EEIG2: variants seen among roughly 807,000 people sequenced by gnomAD.
The protein encoded by EEIG2 is EEIG family member 2.
At chr1:108,574,942 C>T in the EEIG2 span, among the ~76,000 whole-genome samples, 1 of 152,170 alleles carries the variant, frequency 6.6e-6, no homozygotes, top group Admixed American at 6.5e-5. Context: ...AGGAACATTT[C>T]ATTATGAATT....
At chr1:108,589,489 A>AT in the EEIG2 span, among the ~76,000 whole-genome samples, 2 of 151,902 alleles carry the variant, frequency 1.3e-5, no homozygotes, top group South Asian at 2.1e-4. Flanking sequence ...TCATTGCTAA[A>AT]TTTTTTTTAG....
chr1:108,572,033 A>T, the EEIG2 span, among the ~76,000 whole-genome samples: 2 of 152,108 alleles, frequency 1.3e-5, no homozygotes, highest in Non-Finnish European at 2.9e-5. Context: ...TCAATCCTGC[A>T]CTCTGACTGC....
the EEIG2 span, among the ~76,000 whole-genome samples, chr1:108,604,468 G>A: frequency 2.0e-5 from 3 of 152,164 alleles, no homozygotes; most frequent in Admixed American, 1.3e-4. Context: ...TTACTATGGA[G>A]TGGGGGATAT....
At chr1:108,637,238 T>C in the EEIG2 span, 1 of 152,172 alleles carries the variant, frequency 6.6e-6, no homozygotes, top group East Asian at 1.9e-4. Context: ...TATGTAGTAG[T>C]AAATATAACA....
At chr1:108,567,376 A>G in the EEIG2 span, among the ~76,000 whole-genome samples, 1,192 of 152,254 alleles carry the variant, frequency 7.8e-3, 15 homozygotes, top group African/African-American at 0.028. Context: ...TGCCCTTGCC[A>G]TTATTGCTGC....
the EEIG2 span, among the ~76,000 whole-genome samples, chr1:108,564,744 A>T: frequency 2.6e-5 from 4 of 152,124 alleles, no homozygotes; most frequent in Non-Finnish European, 5.9e-5. Flanking sequence ...GGAGTTTGAG[A>T]CCAGCCTGGG....
chr1:108,576,386 G>A, the EEIG2 span, among the ~76,000 whole-genome samples: 3 of 147,548 alleles, frequency 2.0e-5, no homozygotes, highest in Admixed American at 6.7e-5. Flanking sequence ...ATGCTGGTGC[G>A]CTGCACCCAC....
chr1:108,636,159 C>CTG, the EEIG2 span: 1 of 152,210 alleles, frequency 6.6e-6, no homozygotes, highest in South Asian at 2.1e-4. Context: ...TTCTTCCCCA[C>CTG]TGTGTCGAAA....
the EEIG2 span, among the ~76,000 whole-genome samples, chr1:108,604,866 A>C: frequency 1.1e-5 from 1 of 93,216 alleles, no homozygotes; most frequent in East Asian, 3.1e-4. Flanking sequence ...CCACCTCTCC[A>C]AAAAAAAAAA....
chr1:108,564,854 G>A, the EEIG2 span, among the ~76,000 whole-genome samples: 20 of 152,054 alleles, frequency 1.3e-4, no homozygotes, highest in African/African-American at 4.6e-4. Context: ...GGCTGAGGTA[G>A]GAGGATCGCT....
chr1:108,624,040 G>A, the EEIG2 span, among the ~76,000 whole-genome samples: 5 of 151,946 alleles, frequency 3.3e-5, no homozygotes, highest in East Asian at 7.7e-4. Flanking sequence ...CAGCTTTTAC[G>A]TGGAATAGGA....
chr1:108,593,130 C>T, the EEIG2 span, among the ~76,000 whole-genome samples: 1 of 152,070 alleles, frequency 6.6e-6, no homozygotes, highest in African/African-American at 2.4e-5. Context: ...TGCACTCAGC[C>T]TGCATGACAG....
At chr1:108,561,433 G>A in the EEIG2 span, among the ~76,000 whole-genome samples, 5 of 152,106 alleles carry the variant, frequency 3.3e-5, no homozygotes, top group Non-Finnish European at 7.4e-5. Context: ...GATCAAGAAG[G>A]GTTAAAAGTT....
chr1:108,600,543 G>T, the EEIG2 span: 3 of 1,606,876 alleles, frequency 1.9e-6, no homozygotes, highest in African/African-American at 1.3e-5. Flanking sequence ...TTAATTAATT[G>T]GCTCTTTTTT....
chr1:108,618,625 G>A, the EEIG2 span, among the ~76,000 whole-genome samples: 1 of 152,060 alleles, frequency 6.6e-6, no homozygotes, highest in Non-Finnish European at 1.5e-5. Context: ...GGGCTCGGTG[G>A]CTCACGCCTG....
At chr1:108,561,241 A>G in the EEIG2 span, among the ~76,000 whole-genome samples, 2 of 152,370 alleles carry the variant, frequency 1.3e-5, no homozygotes, top group South Asian at 4.1e-4. Context: ...AGAGAGAGGC[A>G]TTAGCAGGTT....
chr1:108,579,693 T>C, the EEIG2 span, among the ~76,000 whole-genome samples: 4 of 151,380 alleles, frequency 2.6e-5, no homozygotes, highest in African/African-American at 7.3e-5. Context: ...TTGTGGCACC[T>C]CTACACCAAG....
At chr1:108,618,020 A>G in the EEIG2 span, among the ~76,000 whole-genome samples, 1 of 152,194 alleles carries the variant, frequency 6.6e-6, no homozygotes, top group African/African-American at 2.4e-5. Context: ...AGTATAAACA[A>G]TTCTTATGAG....
chr1:108,609,243 C>T, the EEIG2 span, among the ~76,000 whole-genome samples: 1 of 152,160 alleles, frequency 6.6e-6, no homozygotes, highest in African/African-American at 2.4e-5. Context: ...GTTCTTGGTA[C>T]TATTCTAAGT....
Sources: gnomAD v4.1 joint callset for allele counts (sites outside exome capture counted in the v4.1 genomes callset) on GRCh38, gnomAD v4.1.1 for gene constraint, MANE v1.5 for transcripts, NCBI Gene and HGNC (gene_info 2026-07-23, HGNC 2026-07-21) for gene names.